Variants in GNB1 observed in about 807,000 individuals in gnomAD.
GNB1 encodes guanine nucleotide-binding protein G(I)/G(S)/G(T) subunit beta-1.
Under a neutral mutation model 42.9 loss-of-function variants are expected in GNB1, and 2 were observed. The ratio of observed to expected loss-of-function variants is 0.05; its 90% CI spans 0.02 to 0.15. The LOEUF (loss-of-function observed/expected upper bound fraction) is 0.15. GNB1 is among the 10% of genes least tolerant of loss of function. GNB1 has a pLI of 1.00. For missense variants in GNB1, 193 were observed against 462.2 expected (o/e 0.42, Z 5.34); for synonymous variants, 183 against 174.7 (o/e 1.05, Z -0.38).
At chr1:1,846,364 C>T (rs895481764) in intron 1 of GNB1, among the ~76,000 whole-genome samples, 8 of 152,104 alleles carry the variant, frequency 5.3e-5, no homozygotes, top group East Asian at 1.9e-4. Flanking sequence ...CTCAGGAGTT[C>T]GAAACCAGCC....
In GNB1 at chr1:1,856,427, A is replaced by ATTTC. The variant is rs897016400; in HGVS notation, c.-95-17193_-95-17190dup. 2.0e-5 allele frequency among the ~76,000 whole-genome samples: 3 copies of ATTTC among 151,516 alleles called. No homozygotes were observed. In the South Asian group the frequency reaches 6.3e-4, roughly 32 times the overall value. ...GCATAAGCCACTGCACTGGCCCGGA[A>ATTTC]TTTCTTTCTTTCTTTTTTTGAGACA... On this transcript the variant is annotated intron_variant, in intron 1 of 11. Coordinates refer to ENST00000378609, the MANE Select transcript of GNB1 (RefSeq NM_002074.5).
chr1:1,841,899 T>C (rs1647253202), intron 1 of GNB1, among the ~76,000 whole-genome samples: 1 of 152,232 alleles, frequency 6.6e-6, no homozygotes, highest in Admixed American at 6.5e-5. Context: ...GTACACATTA[T>C]GTTCTTAGCA....
chr1:1,832,953 G>C (rs1212957086), intron 2 of GNB1, among the ~76,000 whole-genome samples: 3 of 152,186 alleles, frequency 2.0e-5, no homozygotes, highest in African/African-American at 7.2e-5. Context: ...AAAGTGCTCT[G>C]TCAGTCTCAC....
chr1:1,802,745 C>T (rs1646642200), intron 7 of GNB1, among the ~76,000 whole-genome samples: 1 of 145,248 alleles, frequency 6.9e-6, no homozygotes, highest in African/African-American at 2.6e-5. Flanking sequence ...GCCTGGGTGA[C>T]AGAGCAGGAC....
intron 1 of GNB1, 31 bp from the exon 2 acceptor site, chr1:1,839,269 T>C (rs1057445614): frequency 4.6e-5 from 7 of 152,218 alleles, no homozygotes; most frequent in African/African-American, 1.4e-4. Flanking sequence ...TGTATTTGTA[T>C]TGCACTCAGG....
Position 1,786,823 on chromosome 1 carries a change from G to C in GNB1, c.*240C>G, listed in dbSNP as rs1340140971. ...TCAAGACAAAAAAGAAAACAAAGAC[G>C]ATGGCCCCGGAAGGAATGCACAATT... On this transcript the variant is annotated 3_prime_UTR_variant, in exon 12 of 12. Transcript: ENST00000378609. 6.6e-6 allele frequency: 1 copy of C among 152,588 alleles called. No homozygotes were observed. The highest frequency in any genetic ancestry group is 2.4e-5 in the African/African-American group (1 of 41,440). 9.5% of individuals were successfully genotyped at this position (152,588 alleles called of 1,614,324 possible).
intron 1 of GNB1, among the ~76,000 whole-genome samples, chr1:1,862,682 G>A (rs987447121): frequency 6.6e-6 from 1 of 151,828 alleles, no homozygotes; most frequent in Non-Finnish European, 1.5e-5. Flanking sequence ...CTGGTCTCCA[G>A]CTCCTGGGCT....
chr1:1,887,171 G>A (rs1014733565), intron 1 of GNB1, among the ~76,000 whole-genome samples: 10 of 152,304 alleles, frequency 6.6e-5, no homozygotes, highest in African/African-American at 2.4e-5. Context: ...CAAAGTCACA[G>A]ACAGTAAGAA....
At chr1:1,848,549 C>T (rs760062569) in intron 1 of GNB1, among the ~76,000 whole-genome samples, 5 of 152,088 alleles carry the variant, frequency 3.3e-5, no homozygotes, top group African/African-American at 4.8e-5. Flanking sequence ...AGAAGGAAGA[C>T]CTTTATGAGG....
chr1:1,865,236 T>G (rs1648861300), intron 1 of GNB1, among the ~76,000 whole-genome samples: 1 of 138,180 alleles, frequency 7.2e-6, no homozygotes, highest in African/African-American at 2.8e-5. Context: ...AACTCCAGCC[T>G]GGGTGACAGA....
chr1:1,801,350 ATT>A (rs1360221649), intron 7 of GNB1, among the ~76,000 whole-genome samples: 19 of 152,258 alleles, frequency 1.2e-4, no homozygotes, highest in African/African-American at 4.6e-4. Flanking sequence ...TTTCATATTT[ATT>A]CACATTATAA....
At position 1,890,900 on chromosome 1, in the gene GNB1, C is replaced by A. The variant is rs1270981292; in HGVS notation, c.-176G>T. 1 of 147,358 alleles carries A rather than the reference C, an allele frequency of 6.8e-6. No individual in the cohort carries two copies. Among genetic ancestry groups the A allele is most frequent in the East Asian group, 2.0e-4 (1 of 5,076 alleles). 9.1% of individuals were successfully genotyped at this position (147,358 alleles called of 1,614,324 possible). On this transcript the variant is annotated 5_prime_UTR_variant, in exon 1 of 12. Coordinates refer to ENST00000378609, the MANE Select transcript of GNB1 (RefSeq NM_002074.5). ...GGCAGGTCGTCGCGCTCGGGCCGCG[C>A]TGCGCGCTCCGCGGGCGCTGCGGGC...
chr1:1,869,795 T>G (rs540780247), intron 1 of GNB1, among the ~76,000 whole-genome samples: 1 of 152,326 alleles, frequency 6.6e-6, no homozygotes, highest in South Asian at 2.1e-4. Flanking sequence ...AAGGACAACC[T>G]ACGCTAACAC....
chr1:1,810,412 T>C (rs1322655448), intron 5 of GNB1, among the ~76,000 whole-genome samples: 1 of 151,818 alleles, frequency 6.6e-6, no homozygotes, highest in East Asian at 2.0e-4. Context: ...GATGTGCACC[T>C]GTGGTACCAG....
chr1:1,877,371 C>T (rs910292260), intron 1 of GNB1, among the ~76,000 whole-genome samples: 1 of 149,398 alleles, frequency 6.7e-6, no homozygotes, highest in Admixed American at 6.7e-5. Flanking sequence ...CGAGGAAAAA[C>T]ATCTCTATAC....
At chr1:1,810,792 T>C (rs1254192026) in intron 5 of GNB1, among the ~76,000 whole-genome samples, 7 of 151,148 alleles carry the variant, frequency 4.6e-5, no homozygotes. Flanking sequence ...CTCAGCCTCC[T>C]GAGTAGCTGG....
intron 3 of GNB1, among the ~76,000 whole-genome samples, chr1:1,820,787 A>C (rs1479921610): frequency 6.6e-6 from 1 of 152,230 alleles, no homozygotes; most frequent in Non-Finnish European, 1.5e-5. Flanking sequence ...TGTTAAACCG[A>C]AGGAAAAACT....
chr1:1,805,633 T>G (rs965571727), intron 6 of GNB1, among the ~76,000 whole-genome samples: 1 of 151,866 alleles, frequency 6.6e-6, no homozygotes, highest in Admixed American at 6.6e-5. Context: ...CTCTGCCTCC[T>G]GGGCTCAAGC....
At chr1:1,832,055 C>A (rs1189905910) in intron 2 of GNB1, among the ~76,000 whole-genome samples, 10 of 138,980 alleles carry the variant, frequency 7.2e-5, no homozygotes, top group South Asian at 4.4e-4. Context: ...TGGAGTGAGA[C>A]CTTGTCTCAA....
Sources: gnomAD v4.1 joint callset for allele counts (sites outside exome capture counted in the v4.1 genomes callset) on GRCh38, gnomAD v4.1.1 for gene constraint, MANE v1.5 for transcripts, NCBI Gene and HGNC (gene_info 2026-07-23, HGNC 2026-07-21) for gene names.